Variants in SLC67A1 observed in about 807,000 individuals in gnomAD.
SLC67A1 encodes the protein solute carrier family 67 member 1, also known as solute carrier family 67 member A1.
At chr11:2,918,551 G>T in the SLC67A1 span, among the ~76,000 whole-genome samples, 1 of 152,204 alleles carries the variant, frequency 6.6e-6, no homozygotes, top group Non-Finnish European at 1.5e-5. Context: ...CAGAAGCCCC[G>T]CCTGGACTCC....
the SLC67A1 span, among the ~76,000 whole-genome samples, chr11:2,903,999 C>T: frequency 6.6e-6 from 1 of 152,220 alleles, no homozygotes; most frequent in African/African-American, 2.4e-5. Flanking sequence ...AGATAGAATG[C>T]TGTCTTATTT....
At chr11:2,924,896 G>A in the SLC67A1 span, 1 of 905,428 alleles carries the variant, frequency 1.1e-6, no homozygotes, top group East Asian at 2.5e-5. This position sits in a 1 kb window ranked among gnomAD's most constrained non-coding sequence, Gnocchi z 8.6. Context: ...GGTGCGGACT[G>A]CGCCGTGAGG....
chr11:2,902,616 G>A, the SLC67A1 span: 10 of 985,408 alleles, frequency 1.0e-5, no homozygotes, highest in Middle Eastern at 5.2e-4. Flanking sequence ...AGCTGTTAAT[G>A]TGGCAAAATT....
the SLC67A1 span, among the ~76,000 whole-genome samples, chr11:2,904,461 G>A: frequency 4.6e-5 from 7 of 152,364 alleles, no homozygotes; most frequent in Admixed American, 3.3e-4. Context: ...CTCCCTACCC[G>A]TGGGGAAGGC....
At chr11:2,922,364 C>G in the SLC67A1 span, 1 of 1,575,134 alleles carries the variant, frequency 6.3e-7, no homozygotes, top group Non-Finnish European at 8.6e-7. Flanking sequence ...TGGGGAGGGA[C>G]AGGTAAGACC....
chr11:2,900,133 G>C, the SLC67A1 span, among the ~76,000 whole-genome samples: 1 of 149,992 alleles, frequency 6.7e-6, no homozygotes, highest in African/African-American at 2.5e-5. Context: ...CTGGGCTCTC[G>C]GCTTGACTGC....
At chr11:2,914,235 C>T in the SLC67A1 span, among the ~76,000 whole-genome samples, 15 of 152,200 alleles carry the variant, frequency 9.9e-5, no homozygotes, top group African/African-American at 3.4e-4. Context: ...CCTTCCTGGT[C>T]GTGGCTCCAC....
the SLC67A1 span, chr11:2,916,293 C>T: frequency 1.0e-5 from 3 of 299,764 alleles, no homozygotes; most frequent in Admixed American, 1.0e-4. Context: ...CCTTGGCCAG[C>T]GTGGGAGCTG....
the SLC67A1 span, chr11:2,916,899 C>T: frequency 1.6e-6 from 1 of 634,838 alleles, no homozygotes; most frequent in Admixed American, 2.8e-5. Context: ...CTGCTGACAT[C>T]ATAGAAGCCA....
chr11:2,922,376 C>G, the SLC67A1 span: 1 of 1,587,894 alleles, frequency 6.3e-7, no homozygotes, highest in Non-Finnish European at 8.6e-7. Flanking sequence ...GGTAAGACCC[C>G]AGAGAGGAGC....
At chr11:2,916,678 G>C in the SLC67A1 span, 1 of 1,613,002 alleles carries the variant, frequency 6.2e-7, no homozygotes, top group Admixed American at 1.7e-5. Context: ...GCTGTCCTCA[G>C]CTTCACCTGC....
chr11:2,909,732 G>T, the SLC67A1 span: 1 of 1,463,806 alleles, frequency 6.8e-7, no homozygotes, highest in Non-Finnish European at 9.0e-7. Flanking sequence ...GGGCCGGGGC[G>T]GAGTCTGTGG....
chr11:2,921,611 GCCCATC>G, the SLC67A1 span: 1 of 88,262 alleles, frequency 1.1e-5, no homozygotes, highest in Admixed American at 1.0e-4. Flanking sequence ...GTCCCACCGA[GCCCATC>G]CCCGGGAGCA....
the SLC67A1 span, among the ~76,000 whole-genome samples, chr11:2,917,434 C>T: frequency 6.6e-6 from 1 of 152,280 alleles, no homozygotes; most frequent in South Asian, 2.1e-4. Context: ...ACAGCAGAGC[C>T]AGAGAGGCAG....
the SLC67A1 span, chr11:2,920,815 A>G: frequency 6.6e-6 from 1 of 152,230 alleles, no homozygotes; most frequent in Non-Finnish European, 1.5e-5. Flanking sequence ...ACGCAACACA[A>G]ATAGGCTTCT....
chr11:2,903,411 G>A, the SLC67A1 span: 1 of 1,613,150 alleles, frequency 6.2e-7, no homozygotes, highest in South Asian at 1.1e-5. Flanking sequence ...CTCTAGGCCG[G>A]TCCTCGGTCA....
chr11:2,911,632 CT>C, the SLC67A1 span, among the ~76,000 whole-genome samples: 1 of 152,286 alleles, frequency 6.6e-6, no homozygotes, highest in Admixed American at 6.5e-5. Flanking sequence ...CTGCTGCCGC[CT>C]CCTTCCCTGG....
chr11:2,900,010 C>T, the SLC67A1 span, among the ~76,000 whole-genome samples: 5 of 152,144 alleles, frequency 3.3e-5, no homozygotes, highest in South Asian at 2.1e-4. Context: ...CATGTGGATG[C>T]CCATCCTCCC....
the SLC67A1 span, among the ~76,000 whole-genome samples, chr11:2,905,145 C>T: frequency 6.6e-6 from 1 of 152,180 alleles, no homozygotes; most frequent in Non-Finnish European, 1.5e-5. Flanking sequence ...GGGAGCTGGA[C>T]ACAAGGCAGT....
Sources: gnomAD v4.1 joint callset for allele counts (sites outside exome capture counted in the v4.1 genomes callset) on GRCh38, gnomAD v4.1.1 for gene constraint, Gnocchi (gnomAD v3.1) non-coding constraint, MANE v1.5 for transcripts, NCBI Gene and HGNC (gene_info 2026-07-23, HGNC 2026-07-21) for gene names.